The following SORCS2 variants were observed in gnomAD, a reference collection of about 807,000 sequenced individuals.
SORCS2 encodes the protein sortilin related VPS10 domain containing receptor 2, also known as VPS10 domain-containing receptor SorCS2.
A neutral mutation model predicts 141.6 loss-of-function variants in SORCS2; 100 were observed. The observed-to-expected ratio is 0.71, with a 90% CI of 0.60 to 0.83. SORCS2 has a LOEUF of 0.83. Ranked by LOEUF, SORCS2 falls within the 40% of genes least tolerant of loss-of-function variation. The pLI, the probability that SORCS2 is intolerant of heterozygous loss-of-function variation, is 0.00. For missense variants in SORCS2, 1,646 were observed against 1,560.2 expected (o/e 1.05, Z -0.93); for synonymous variants, 789 against 676.9 (o/e 1.17, Z -2.57).
intron 1 of SORCS2, among the ~76,000 whole-genome samples, chr4:7,267,140 G>A (rs942029695): frequency 2.0e-5 from 3 of 149,754 alleles, no homozygotes; most frequent in Non-Finnish European, 3.0e-5. Flanking sequence ...CTAATTCAGC[G>A]GAAACACTAT....
At chr4:7,478,333 C>G (rs1263883443) in intron 2 of SORCS2, among the ~76,000 whole-genome samples, 2 of 152,090 alleles carry the variant, frequency 1.3e-5, no homozygotes, top group Non-Finnish European at 2.9e-5. Flanking sequence ...GTCACCAGCT[C>G]CCCCTCCTCC....
chr4:7,323,531 G>A (rs1183883275), intron 1 of SORCS2, among the ~76,000 whole-genome samples: 1 of 152,124 alleles, frequency 6.6e-6, no homozygotes. Context: ...GCACCAGGAG[G>A]GCTGGGAGGA....
intron 3 of SORCS2, among the ~76,000 whole-genome samples, chr4:7,623,843 C>T (rs56151596): frequency 0.03 from 4,528 of 152,248 alleles, 203 homozygotes; most frequent in African/African-American, 0.1. Context: ...GCTCCACCCC[C>T]AGCCCTGGTT....
chr4:7,731,774 A>G (rs1299967761), intron 23 of SORCS2, among the ~76,000 whole-genome samples: 1 of 152,252 alleles, frequency 6.6e-6, no homozygotes, highest in East Asian at 1.9e-4. Flanking sequence ...GAAGAATGCA[A>G]TTAGATTCTT....
At chr4:7,234,173 C>T (rs139857452) in intron 1 of SORCS2, among the ~76,000 whole-genome samples, 214 of 152,326 alleles carry the variant, frequency 1.4e-3, no homozygotes, top group Non-Finnish European at 2.3e-3. Flanking sequence ...GTTCTTCCCT[C>T]GCCCTGAAAT....
At chr4:7,513,310 T>G (rs763447890) in intron 2 of SORCS2, among the ~76,000 whole-genome samples, 2 of 152,040 alleles carry the variant, frequency 1.3e-5, no homozygotes, top group African/African-American at 2.4e-5. Context: ...CCTGGCTCAC[T>G]GGTCAACAGC....
At position 7,201,591 on chromosome 4, in the gene SORCS2, A is replaced by G. The variant is rs1030367574; in HGVS notation, c.480+8465A>G. On this transcript the variant is annotated intron_variant, in intron 1 of 26. Coordinates refer to ENST00000507866, the MANE Select transcript of SORCS2 (RefSeq NM_020777.3). The surrounding 1 kb of genome is among the most constrained non-coding windows in gnomAD (Gnocchi z 4.4). ...AGCAGACTGGAGTGACGGGCGAATC[A>G]GCTGGGACGCTGCCGAGAACCCCTG... is the stretch of plus-strand genomic sequence containing the variant. Among the ~76,000 whole-genome samples, 2 of 152,216 alleles carry G rather than the reference A, an allele frequency of 1.3e-5. No homozygotes were observed. The highest frequency in any genetic ancestry group is 4.8e-5 in the African/African-American group (2 of 41,470).
intron 5 of SORCS2, among the ~76,000 whole-genome samples, chr4:7,660,546 G>A (rs919181364): frequency 2.6e-5 from 4 of 152,214 alleles, no homozygotes; most frequent in African/African-American, 4.8e-5. Context: ...ATCTAGACTC[G>A]TGGTATTAGG....
At chr4:7,303,233 A>G (rs1717561460) in intron 1 of SORCS2, among the ~76,000 whole-genome samples, 1 of 152,208 alleles carries the variant, frequency 6.6e-6, no homozygotes, top group Non-Finnish European at 1.5e-5. Flanking sequence ...GGGAAACCCA[A>G]TATCTAAACC....
intron 25 of SORCS2, 76 bp from the exon 26 acceptor site, chr4:7,736,993 G>A (rs1018857918): frequency 1.5e-5 from 23 of 1,527,246 alleles, no homozygotes; most frequent in South Asian, 7.3e-5. Flanking sequence ...GTGGTCAGGC[G>A]GCCAGCGGAA....
At chr4:7,660,114 G>T (rs116794593) in intron 5 of SORCS2, among the ~76,000 whole-genome samples, 2,184 of 152,340 alleles carry the variant, frequency 0.014, 30 homozygotes, top group Non-Finnish European at 0.021. Context: ...ACCAAATGGA[G>T]GTATTAAATG....
intron 2 of SORCS2, among the ~76,000 whole-genome samples, chr4:7,471,513 G>A (rs1017374372): frequency 1.3e-4 from 20 of 152,214 alleles, no homozygotes; most frequent in East Asian, 3.9e-4. Context: ...CGTCCCCTTC[G>A]TTCCAGGGAA....
chr4:7,449,455 C>T (rs1256489022), intron 2 of SORCS2, among the ~76,000 whole-genome samples: 4 of 120,002 alleles, frequency 3.3e-5, no homozygotes, highest in African/African-American at 9.3e-5. Flanking sequence ...CCTTGCTTTT[C>T]TTCCCACCTA....
chr4:7,489,095 G>A (rs114845288), intron 2 of SORCS2, among the ~76,000 whole-genome samples: 97 of 152,326 alleles, frequency 6.4e-4, no homozygotes, highest in Non-Finnish European at 9.6e-4. Context: ...GGATATGGTC[G>A]CTAACCAAAT....
At chr4:7,639,636 GGA>G (rs1720512078) in intron 4 of SORCS2, among the ~76,000 whole-genome samples, 1 of 150,418 alleles carries the variant, frequency 6.6e-6, no homozygotes, top group African/African-American at 2.5e-5. Context: ...TGGGTGTGTG[GGA>G]GTGTGTATAT....
At chr4:7,568,569 C>T (rs1215436821) in intron 3 of SORCS2, among the ~76,000 whole-genome samples, 1 of 152,168 alleles carries the variant, frequency 6.6e-6, no homozygotes, top group Non-Finnish European at 1.5e-5. Flanking sequence ...CCACCAAAAA[C>T]CTGACTTTGC....
rs10031768 is a variant in SORCS2, at chr4:7,559,567, T to G, written c.648+27938T>G. 3.6e-3 allele frequency among the ~76,000 whole-genome samples: 554 copies of G among 152,206 alleles called. 3 individuals are homozygous for G. Among genetic ancestry groups the G allele is most frequent in the African/African-American group, 0.012 (507 of 41,530 alleles). ...GGGCCCAGGTTAGGCAGTCCTGACC[T>G]GTATCATGAGCTCCAGCCTCTGGAG... On this transcript the variant is annotated intron_variant, in intron 3 of 26. Coordinates refer to ENST00000507866, the MANE Select transcript of SORCS2 (RefSeq NM_020777.3).
chr4:7,483,822 G>A (rs552298426), intron 2 of SORCS2, among the ~76,000 whole-genome samples: 1 of 152,238 alleles, frequency 6.6e-6, no homozygotes, highest in Non-Finnish European at 1.5e-5. Flanking sequence ...CTAGATGACG[G>A]GTTGATGGGT....
At chr4:7,583,859 G>A (rs1466734858) in intron 3 of SORCS2, among the ~76,000 whole-genome samples, 1 of 152,238 alleles carries the variant, frequency 6.6e-6, no homozygotes, top group African/African-American at 2.4e-5. Context: ...ATGTGGTTCA[G>A]TTTTATTCCC....
Sources: gnomAD v4.1 joint callset for allele counts (sites outside exome capture counted in the v4.1 genomes callset) on GRCh38, gnomAD v4.1.1 for gene constraint, Gnocchi (gnomAD v3.1) non-coding constraint, MANE v1.5 for transcripts, NCBI Gene and HGNC (gene_info 2026-07-23, HGNC 2026-07-21) for gene names.